The following GRK5 variants were observed in gnomAD, a reference collection of about 807,000 sequenced individuals.
The protein encoded by GRK5 is G protein-coupled receptor kinase 5, also known as g protein-coupled receptor kinase GRK5.
A neutral mutation model predicts 78.4 loss-of-function variants in GRK5; 40 were observed. The observed-to-expected ratio is 0.51, with a 90% CI of 0.40 to 0.66. The LOEUF (loss-of-function observed/expected upper bound fraction) is 0.66, where lower values mean the gene tolerates loss of function less well. Among genes scored for constraint, GRK5 ranks in the 30% least tolerant of loss-of-function variants. GRK5 has a pLI of 0.00. For synonymous variants in GRK5, 289 were observed against 296.8 expected, an observed-to-expected ratio of 0.97 and a Z score of 0.27; for missense variants, 598 against 759.9, an observed-to-expected ratio of 0.79 and a Z score of 2.50.
chr10:119,353,290 T>G (rs1358339274), intron 2 of GRK5, among the ~76,000 whole-genome samples: 1 of 152,182 alleles, frequency 6.6e-6, no homozygotes, highest in Admixed American at 6.5e-5. Context: ...TCCACCTGGT[T>G]GGAGGCAGAG....
Position 119,207,631 on chromosome 10 carries a change from G to A in GRK5, c.-287G>A, listed in dbSNP as rs984655667. 1.4e-5 allele frequency: 5 copies of A among 353,182 alleles called. No individual in the cohort carries two copies. The highest frequency in any genetic ancestry group is 1.0e-4 in the Admixed American group (2 of 19,108). 21.9% of individuals were successfully genotyped at this position (353,182 alleles called of 1,614,324 possible). A position where few individuals can be genotyped will look rare whatever the true frequency, so the allele number is the denominator to read the frequency against. ...CGGAGGGGAGGAGAATGGAGTGACA[G>A]AGACACGCGGAGGGTGGGGGGTGGG... On this transcript the variant is annotated 5_prime_UTR_variant, in exon 1 of 16. Coordinates refer to ENST00000392870, the MANE Select transcript of GRK5 (RefSeq NM_005308.3).
intron 1 of GRK5, among the ~76,000 whole-genome samples, chr10:119,215,083 G>A (rs909544209): frequency 3.3e-5 from 5 of 152,196 alleles, no homozygotes; most frequent in African/African-American, 1.2e-4. Context: ...CCTGTCACAG[G>A]GAATGACCGA....
rs534937796 is a variant in GRK5 at position 119,353,634 on chromosome 10, G to C, written c.148+27023G>C. On this transcript the variant is annotated intron_variant, in intron 2 of 15. Transcript: ENST00000392870. ...TCAGCTGCGGCCTCTGGCAGCAAAG[G>C]CTGGGTGGAGTGAGGTGGGGAGAAT... 2.6e-5 allele frequency among the ~76,000 whole-genome samples: 4 copies of C among 152,294 alleles called. No individual in the cohort carries two copies. The South Asian group carries it at 8.3e-4, about 32-fold the overall frequency.
chr10:119,213,591 T>C (rs1310147609), intron 1 of GRK5, among the ~76,000 whole-genome samples: 3 of 152,256 alleles, frequency 2.0e-5, no homozygotes, highest in Non-Finnish European at 4.4e-5. Flanking sequence ...TATCCTGTTA[T>C]ATTTCAGTGA....
chr10:119,298,405 G>A (rs571426367), intron 1 of GRK5, among the ~76,000 whole-genome samples: 62 of 152,150 alleles, frequency 4.1e-4, no homozygotes, highest in Non-Finnish European at 1.3e-4. Flanking sequence ...CTCTAGTGCC[G>A]TGCTCTTGAA....
intron 2 of GRK5, among the ~76,000 whole-genome samples, chr10:119,365,391 G>A (rs991610017): frequency 1.3e-5 from 2 of 152,168 alleles, no homozygotes; most frequent in Admixed American, 6.5e-5. Context: ...GACAGCCCTT[G>A]AAGATTTATA....
At position 119,457,069 on chromosome 10, in the gene GRK5, A is replaced by ACAGCCACAT. The variant is rs145971483; in HGVS notation, c.*2003_*2011dup. 1 of 152,226 alleles carries ACAGCCACAT rather than the reference A, an allele frequency of 6.6e-6. No individual in the cohort carries two copies. The highest frequency in any genetic ancestry group is 1.5e-5 in the Non-Finnish European group (1 of 68,042). 9.4% of individuals were successfully genotyped at this position (152,226 alleles called of 1,614,324 possible). A position where few individuals can be genotyped will look rare whatever the true frequency, so the allele number is the denominator to read the frequency against. On this transcript the variant is annotated 3_prime_UTR_variant, in exon 16 of 16. Transcript: ENST00000392870. Reference sequence around the variant, plus strand: ...TTCTTGGGCTGAATGCAAAACAAATACAGCCACATTCAAGTCTTCCAAGGA... The same window carrying ACAGCCACAT: ...TTCTTGGGCTGAATGCAAAACAAATACAGCCACATCAGCCACATTCAAGTCTTCCAAGGA...
At chr10:119,422,932 AG>A (rs1852599409) in intron 4 of GRK5, among the ~76,000 whole-genome samples, 1 of 152,234 alleles carries the variant, frequency 6.6e-6, no homozygotes, top group African/African-American at 2.4e-5. Flanking sequence ...TCCTGAACCT[AG>A]GCTCATTCAC....
chr10:119,404,328 T>C (rs1852199592), intron 4 of GRK5, among the ~76,000 whole-genome samples: 1 of 152,262 alleles, frequency 6.6e-6, no homozygotes, highest in Non-Finnish European at 1.5e-5. Flanking sequence ...GGGAAATGTC[T>C]ATTCAGATTC....
At chr10:119,387,822 C>T (rs1350401281) in intron 3 of GRK5, among the ~76,000 whole-genome samples, 1 of 152,172 alleles carries the variant, frequency 6.6e-6, no homozygotes, top group East Asian at 1.9e-4. Context: ...ACCCAGGGCA[C>T]ATTTATGGGG....
chr10:119,444,388 G>A (rs1853102183), intron 12 of GRK5, among the ~76,000 whole-genome samples: 1 of 152,154 alleles, frequency 6.6e-6, no homozygotes, highest in African/African-American at 2.4e-5. Flanking sequence ...TTGGAAGTGG[G>A]GGATATGGGA....
rs58171371 is a variant in GRK5 at position 119,253,847 on chromosome 10, GGTGTGTGTGTGT to G, written c.52+45893_52+45904del. On this transcript the variant is annotated intron_variant, in intron 1 of 15. Transcript: ENST00000392870. The surrounding 1 kb of genome is among the most constrained non-coding windows in gnomAD (Gnocchi z 5.7). The stretch of plus-strand genomic sequence containing the variant: ...GTTCCTGGTGGTTCTTTGCCCCAGG[GGTGTGTGTGTGT>G]GTGTGTGTGTGTGTACACATGTGTG... Among the ~76,000 whole-genome samples, 1 of 150,266 alleles carries G rather than the reference GGTGTGTGTGTGT, an allele frequency of 6.7e-6. No individual in the cohort carries two copies. Among genetic ancestry groups the G allele is most frequent in the African/African-American group, 2.4e-5 (1 of 40,820 alleles).
chr10:119,352,305 T>C (rs1198670543), intron 2 of GRK5, among the ~76,000 whole-genome samples: 1 of 152,100 alleles, frequency 6.6e-6, no homozygotes, highest in African/African-American at 2.4e-5. Flanking sequence ...TCCAAAGAAG[T>C]AGAAAAAGAT....
chr10:119,211,219 A>T (rs1848481429), intron 1 of GRK5, among the ~76,000 whole-genome samples: 1 of 152,178 alleles, frequency 6.6e-6, no homozygotes, highest in Non-Finnish European at 1.5e-5. Context: ...TGCTCTCCTA[A>T]AAAGTGCTTA....
chr10:119,454,925 GACTT>G (rs748082454), intron 15 of GRK5, 40 bp from the exon 16 acceptor site: 2 of 1,336,158 alleles, frequency 1.5e-6, no homozygotes, highest in East Asian at 2.3e-5. Flanking sequence ...TCCCAGGACT[GACTT>G]CTGTTCTCTC....
At chr10:119,262,175 A>G (rs1479264690) in intron 1 of GRK5, among the ~76,000 whole-genome samples, 2 of 152,072 alleles carry the variant, frequency 1.3e-5, no homozygotes, top group African/African-American at 4.8e-5. Flanking sequence ...TTGGCAGCCA[A>G]TCAGCCCACC....
At chr10:119,260,559 G>A (rs1191908530) in intron 1 of GRK5, among the ~76,000 whole-genome samples, 3 of 151,994 alleles carry the variant, frequency 2.0e-5, no homozygotes, top group Non-Finnish European at 2.9e-5. Context: ...GCGGCCTTCC[G>A]CAGCGTTTGT....
intron 3 of GRK5, among the ~76,000 whole-genome samples, chr10:119,393,159 G>A (rs950633685): frequency 5.9e-5 from 9 of 152,230 alleles, no homozygotes; most frequent in African/African-American, 9.6e-5. Context: ...TAATCAGTGC[G>A]AAAAGCCCAG....
intron 1 of GRK5, among the ~76,000 whole-genome samples, chr10:119,323,816 G>A (rs1850627402): frequency 6.6e-6 from 1 of 152,146 alleles, no homozygotes; most frequent in South Asian, 2.1e-4. Context: ...GTACACTGTA[G>A]CTAGTGTGTA....
Sources: gnomAD v4.1 joint callset for allele counts (sites outside exome capture counted in the v4.1 genomes callset) on GRCh38, gnomAD v4.1.1 for gene constraint, Gnocchi (gnomAD v3.1) non-coding constraint, MANE v1.5 for transcripts, NCBI Gene and HGNC (gene_info 2026-07-23, HGNC 2026-07-21) for gene names.